APBA1: variants seen among roughly 807,000 people sequenced by gnomAD.
The protein encoded by APBA1 is amyloid beta precursor protein binding family A member 1.
Under a neutral mutation model 86.6 loss-of-function variants are expected in APBA1, and 55 were observed. The ratio of observed to expected loss-of-function variants is 0.64; its 90% CI spans 0.51 to 0.80. APBA1 has a LOEUF of 0.80. Among genes scored for constraint, APBA1 ranks in the 30% least tolerant of loss-of-function variants. APBA1 has a pLI of 0.00. For synonymous variants in APBA1, 511 were observed against 493.9 expected (o/e 1.03, Z -0.46); for missense variants, 1,090 against 1,183.0 (o/e 0.92, Z 1.15).
intron 1 of APBA1, among the ~76,000 whole-genome samples, chr9:69,622,264 G>A (rs1822834931): frequency 6.6e-6 from 1 of 152,212 alleles, no homozygotes. Context: ...GCAGAGCAAA[G>A]CTCAGGTGTG....
intron 6 of APBA1, among the ~76,000 whole-genome samples, 185 bp downstream of exon 6, chr9:69,457,971 A>C (rs952279804): frequency 1.3e-5 from 2 of 152,230 alleles, no homozygotes; most frequent in Non-Finnish European, 2.9e-5. Flanking sequence ...AATGAGCAAC[A>C]GAAAACGGCC....
chr9:69,456,249 C>T lies in APBA1; in HGVS notation c.1786G>A (p.Asp596Asn). 1 of 1,614,210 alleles carries T rather than the reference C, an allele frequency of 6.2e-7. No homozygotes were observed. The highest frequency in any genetic ancestry group is 2.2e-5 in the East Asian group (1 of 44,886). Residue 596 changes from aspartate (D) to asparagine (N), a missense_variant and splice_region_variant, in exon 8 of 13, where the codon GAT becomes AAT. Asp to Asn is a conservative substitution (Grantham distance 23). This residue lies in a region of APBA1 where 97 missense variants were observed against 166.8 expected (regional missense o/e 0.58). Coordinates refer to ENST00000265381, the MANE Select transcript of APBA1 (RefSeq NM_001163.4). The stretch of plus-strand genomic sequence containing the variant: ...AGATCAAAGGAAGCAACCCTTACAT[C>T]CTCAGACTCGAAGACGTGGCAGATC... The part of the protein sequence containing the change: ...KMICHVFESE[D>N]AQLIAQSIGQ...
At chr9:69,595,987 T>TC (rs551838343) in intron 1 of APBA1, among the ~76,000 whole-genome samples, 47 of 151,972 alleles carry the variant, frequency 3.1e-4, no homozygotes, top group African/African-American at 1.1e-3. Flanking sequence ...TTTTTTTGCA[T>TC]CCCCCCCACC....
intron 1 of APBA1, among the ~76,000 whole-genome samples, chr9:69,614,406 C>T (rs1413462651): frequency 6.6e-6 from 1 of 152,096 alleles, no homozygotes; most frequent in Non-Finnish European, 1.5e-5. Flanking sequence ...TGATGCTAGA[C>T]CTTCCTTAAA....
intron 1 of APBA1, among the ~76,000 whole-genome samples, chr9:69,601,076 G>T (rs981114155): frequency 6.6e-6 from 1 of 151,996 alleles, no homozygotes; most frequent in Non-Finnish European, 1.5e-5. Context: ...AGTATGTGCA[G>T]CAGATTCACA....
rs142879371 is a variant in APBA1 at position 69,471,540 on chromosome 9, A to C, written c.1336+116T>G. ...CCTAAGACTGCTAACATTGTGAATA[A>C]GTGACTTTGTGGCCTTTCTTCCCTT... On this transcript the variant is annotated intron_variant, in intron 4 of 12. Transcript: ENST00000265381. The C allele has an allele frequency of 2.4e-5, 20 of 829,958 alleles. No individual in the cohort carries two copies. In the African/African-American group the frequency reaches 3.4e-4, roughly 14 times the overall value. 51.4% of individuals were successfully genotyped at this position (829,958 alleles called of 1,614,324 possible). A position where few individuals can be genotyped will look rare whatever the true frequency, so the allele number is the denominator to read the frequency against.
At chr9:69,626,270 C>T (rs1564095645) in intron 1 of APBA1, among the ~76,000 whole-genome samples, 1 of 152,070 alleles carries the variant, frequency 6.6e-6, no homozygotes, top group Non-Finnish European at 1.5e-5. Flanking sequence ...CAGATTTTGG[C>T]CACAGGGGTC....
intron 4 of APBA1, among the ~76,000 whole-genome samples, chr9:69,469,724 T>A (rs1835335965): frequency 6.6e-6 from 1 of 152,218 alleles, no homozygotes; most frequent in African/African-American, 2.4e-5. Context: ...AAATAATATA[T>A]GAACAGGTCT....
intron 10 of APBA1, among the ~76,000 whole-genome samples, chr9:69,442,653 A>T (rs1337384701): frequency 6.6e-6 from 1 of 152,234 alleles, no homozygotes. Context: ...AAGTGGAAAG[A>T]GGACCTGTAA....
At chr9:69,518,039 T>C (rs1206418856) in intron 1 of APBA1, among the ~76,000 whole-genome samples, 2 of 152,184 alleles carry the variant, frequency 1.3e-5, no homozygotes, top group East Asian at 3.8e-4. Context: ...AGGCCAATGT[T>C]ACATAGCAGC....
At chr9:69,448,720 A>G (rs1834952959) in intron 10 of APBA1, among the ~76,000 whole-genome samples, 1 of 152,158 alleles carries the variant, frequency 6.6e-6, no homozygotes. Context: ...GTTCCAGCTA[A>G]GTCTTTCAGG....
intron 5 of APBA1, chr9:69,461,564 T>C (rs1354847436): frequency 2.0e-5 from 3 of 152,172 alleles, no homozygotes; most frequent in African/African-American, 7.2e-5. Flanking sequence ...TGGTAAGCCA[T>C]GATCAATCCC....
At chr9:69,554,571 C>T (rs1588360064) in intron 1 of APBA1, among the ~76,000 whole-genome samples, 1 of 152,216 alleles carries the variant, frequency 6.6e-6, no homozygotes, top group African/African-American at 2.4e-5. Context: ...TAGAAGTTTC[C>T]AGCGGCACAC....
At chr9:69,647,330 C>A (rs1823411547) in intron 1 of APBA1, among the ~76,000 whole-genome samples, 1 of 152,150 alleles carries the variant, frequency 6.6e-6, no homozygotes, top group Non-Finnish European at 1.5e-5. Flanking sequence ...TGCAGTTCTA[C>A]CTCTGCTATT....
intron 1 of APBA1, among the ~76,000 whole-genome samples, chr9:69,593,029 A>G (rs1483145075): frequency 6.6e-6 from 1 of 152,256 alleles, no homozygotes; most frequent in Admixed American, 6.5e-5. Context: ...AAAATGCCAT[A>G]TAAGAAACTT....
At chr9:69,585,149 A>G (rs1821993845) in intron 1 of APBA1, among the ~76,000 whole-genome samples, 1 of 152,234 alleles carries the variant, frequency 6.6e-6, no homozygotes, top group South Asian at 2.1e-4. Context: ...CTTTTAGGTG[A>G]TATAAACAGC....
intron 1 of APBA1, among the ~76,000 whole-genome samples, chr9:69,611,768 T>G (rs1386411224): frequency 1.3e-5 from 2 of 152,214 alleles, no homozygotes; most frequent in Non-Finnish European, 2.9e-5. Context: ...GTGCATTGTG[T>G]GTTCACACAT....
intron 1 of APBA1, among the ~76,000 whole-genome samples, chr9:69,565,534 C>T (rs1837012083): frequency 6.6e-6 from 1 of 152,224 alleles, no homozygotes; most frequent in Non-Finnish European, 1.5e-5. Flanking sequence ...GGCAGTCCCA[C>T]ACTGCCCACA....
chr9:69,495,864 ACT>A (rs1835786460), intron 2 of APBA1, among the ~76,000 whole-genome samples: 1 of 152,064 alleles, frequency 6.6e-6, no homozygotes, highest in South Asian at 2.1e-4. Context: ...CCTGGAGGAC[ACT>A]GAGGCCAGCT....
Sources: allele counts gnomAD v4.1 joint callset (sites outside exome capture counted in the v4.1 genomes callset), GRCh38; gene constraint gnomAD v4.1.1; regional missense constraint gnomAD v4.1.1; transcripts MANE v1.5; gene names NCBI Gene and HGNC (gene_info 2026-07-23, HGNC 2026-07-21).